The following ESR2 variants were observed in gnomAD, a reference collection of about 807,000 sequenced individuals.
The protein encoded by ESR2 is estrogen receptor 2, also known as estrogen receptor beta.
Under a neutral mutation model 49.6 loss-of-function variants are expected in ESR2, and 36 were observed. The ratio of observed to expected loss-of-function variants is 0.73; its 90% CI spans 0.56 to 0.96. The LOEUF is 0.96. ESR2 is among the 40% of genes least tolerant of loss of function. The pLI is 0.00. For missense variants in ESR2, 714 were observed against 693.0 expected, an observed-to-expected ratio of 1.03 and a Z score of -0.34; for synonymous variants, 320 against 266.1, an observed-to-expected ratio of 1.20 and a Z score of -1.97.
At chr14:64,281,175 T>C (rs1460258934) in intron 2 of ESR2, among the ~76,000 whole-genome samples, 1 of 151,924 alleles carries the variant, frequency 6.6e-6, no homozygotes. Flanking sequence ...TGGAAAGGCT[T>C]GGAAGGAAGC....
At chr14:64,323,554 T>C (rs746924837) in intron 1 of ESR2, among the ~76,000 whole-genome samples, 1 of 152,178 alleles carries the variant, frequency 6.6e-6, no homozygotes, top group Non-Finnish European at 1.5e-5. Flanking sequence ...TAAAGGATTA[T>C]TTTTATTTGC....
At chr14:64,267,391 G>A (rs1350031712) in intron 4 of ESR2, among the ~76,000 whole-genome samples, 2 of 152,148 alleles carry the variant, frequency 1.3e-5, no homozygotes, top group Admixed American at 6.5e-5. Flanking sequence ...CACGCTGTGA[G>A]GCTATGGGCA....
intron 1 of ESR2, among the ~76,000 whole-genome samples, chr14:64,331,774 G>T (rs1171349176): frequency 1.5e-5 from 2 of 135,892 alleles, no homozygotes; most frequent in African/African-American, 5.7e-5. Flanking sequence ...CATGAGCCGA[G>T]ATCATGCCAT....
At chr14:64,288,199 G>A (rs1040550021) in intron 1 of ESR2, among the ~76,000 whole-genome samples, 7 of 152,062 alleles carry the variant, frequency 4.6e-5, no homozygotes, top group African/African-American at 1.7e-4. Context: ...ATCGTGCATG[G>A]TGTTCTAATG....
chr14:64,321,198 A>G, intron 1 of ESR2, among the ~76,000 whole-genome samples: 1 of 152,140 alleles, frequency 6.6e-6, no homozygotes, highest in Non-Finnish European at 1.5e-5. Flanking sequence ...ACTACATATT[A>G]AAGTTATTTA....
intron 1 of ESR2, among the ~76,000 whole-genome samples, chr14:64,320,790 G>A (rs1490086582): frequency 6.6e-6 from 1 of 152,146 alleles, no homozygotes; most frequent in African/African-American, 2.4e-5. Context: ...AGCTACTCAG[G>A]AGGCTGAGGC....
chr14:64,301,755 T>C (rs2077023610), intron 1 of ESR2, among the ~76,000 whole-genome samples: 1 of 152,182 alleles, frequency 6.6e-6, no homozygotes. Context: ...GATTTTTCTC[T>C]GTAAAATGGG....
intron 5 of ESR2, chr14:64,260,144 A>C (rs1430267713): frequency 3.3e-6 from 2 of 602,258 alleles, no homozygotes; most frequent in Admixed American, 3.9e-5. Flanking sequence ...GCATCTAGCC[A>C]TGGGAAAAGA....
In ESR2 at chr14:64,272,649, A is replaced by C. The variant is rs556087507; in HGVS notation, c.536-3738T>G. Among the ~76,000 whole-genome samples the C allele has an allele frequency of 2.6e-4, 39 of 152,200 alleles. No homozygotes were observed. The South Asian group carries it at 7.7e-3, about 30-fold the overall frequency. ...GTTTTCCCAGCACCATTTATTGAAG[A>C]GACTATTTTCAAAAATGAGTTAACT... is the stretch of plus-strand genomic sequence containing the variant. On this transcript the variant is annotated intron_variant, in intron 3 of 8. Coordinates refer to ENST00000341099, the MANE Select transcript of ESR2 (RefSeq NM_001437.3).
At chr14:64,253,424 C>A (rs373491638) in intron 6 of ESR2, among the ~76,000 whole-genome samples, 1 of 152,096 alleles carries the variant, frequency 6.6e-6, no homozygotes, top group East Asian at 1.9e-4. Context: ...CTCCTGACCT[C>A]AGGTGATCCA....
At chr14:64,321,577 G>A (rs2077324727) in intron 1 of ESR2, among the ~76,000 whole-genome samples, 1 of 152,142 alleles carries the variant, frequency 6.6e-6, no homozygotes. Context: ...AATAGAGATG[G>A]ACCATTATGT....
chr14:64,326,981 A>G (rs1227650159), intron 1 of ESR2, among the ~76,000 whole-genome samples: 1 of 152,226 alleles, frequency 6.6e-6, no homozygotes, highest in African/African-American at 2.4e-5. Flanking sequence ...TACCTCCTAG[A>G]GTTAAACAAG....
chr14:64,266,180 C>T (rs2076324178), intron 4 of ESR2, among the ~76,000 whole-genome samples: 1 of 152,146 alleles, frequency 6.6e-6, no homozygotes, highest in Admixed American at 6.5e-5. Flanking sequence ...TCTCATGAAA[C>T]AGTGTTGTAT....
downstream of ESR2, chr14:64,227,197 C>CCAAAG: frequency 3.2e-6 from 1 of 312,212 alleles, no homozygotes; most frequent in South Asian, 5.3e-5. Context: ...CCCTTCTCTG[C>CCAAAG]CAAAGCACAA....
At chr14:64,314,335 A>G (rs1236767135) in intron 1 of ESR2, among the ~76,000 whole-genome samples, 2 of 151,852 alleles carry the variant, frequency 1.3e-5, no homozygotes, top group African/African-American at 4.8e-5. Context: ...ACATATCAAC[A>G]CTTGAGGGAC....
At chr14:64,287,592 C>CACGG (rs2076803496) in intron 1 of ESR2, among the ~76,000 whole-genome samples, 1 of 152,024 alleles carries the variant, frequency 6.6e-6, no homozygotes, top group African/African-American at 2.4e-5. Context: ...ACTTGGTAGC[C>CACGG]AATGCAAAGA....
chr14:64,330,867 G>A (rs1435700949), intron 1 of ESR2: 1 of 150,440 alleles, frequency 6.6e-6, no homozygotes. Context: ...TGAGGTTGCA[G>A]TTAGCCGAGA....
At chr14:64,267,005 C>T (rs2076343951) in intron 4 of ESR2, among the ~76,000 whole-genome samples, 1 of 152,166 alleles carries the variant, frequency 6.6e-6, no homozygotes, top group Non-Finnish European at 1.5e-5. Flanking sequence ...CTCAGCCTCC[C>T]AAGTAGCTGG....
At chr14:64,263,659 T>C (rs1348442097) in intron 4 of ESR2, among the ~76,000 whole-genome samples, 1 of 150,948 alleles carries the variant, frequency 6.6e-6, no homozygotes, top group South Asian at 2.1e-4. Flanking sequence ...AAAAAATAAA[T>C]AAATAAATAA....
Sources: allele counts gnomAD v4.1 joint callset (sites outside exome capture counted in the v4.1 genomes callset), GRCh38; gene constraint gnomAD v4.1.1; transcripts MANE v1.5; gene names NCBI Gene and HGNC (gene_info 2026-07-23, HGNC 2026-07-21).